The following USP6NL variants were observed in gnomAD, a reference collection of about 807,000 sequenced individuals.
USP6NL encodes the protein USP6 N-terminal-like protein.
USP6NL carries 26 observed loss-of-function variants against 61.9 expected under a neutral mutation model. The observed-to-expected ratio is 0.42, with a 90% confidence interval of 0.31 to 0.58. The LOEUF (loss-of-function observed/expected upper bound fraction) is 0.58. USP6NL is among the 20% of genes least tolerant of loss of function. The pLI is 0.16. For synonymous variants in USP6NL, 432 were observed against 390.1 expected (o/e 1.11, Z -1.27); for missense variants, 1,114 against 1,034.3 (o/e 1.08, Z -1.06).
In USP6NL at chr10:11,518,938, T is replaced by C. The variant is rs543825234; in HGVS notation, c.156-364A>G. ...TATTGAACGGTACAGATATAGAACATTTCCATCACTGCAGAAAGGTCCACT... is the reference window on the plus strand; with the variant it reads ...TATTGAACGGTACAGATATAGAACACTTCCATCACTGCAGAAAGGTCCACT... On this transcript the variant is annotated intron_variant, in intron 4 of 14. Coordinates refer to ENST00000609104, the MANE Select transcript of USP6NL (RefSeq NM_014688.5). This position sits in a 1 kb window ranked among gnomAD's most constrained non-coding sequence, Gnocchi z 5.3. 2.6e-5 allele frequency among the ~76,000 whole-genome samples: 4 copies of C among 152,360 alleles called. No individual in the cohort carries two copies. The highest frequency in any genetic ancestry group is 1.9e-4 in the East Asian group (1 of 5,196).
At chr10:11,523,658 G>A (rs1049226396) in intron 4 of USP6NL, among the ~76,000 whole-genome samples, 2 of 151,998 alleles carry the variant, frequency 1.3e-5, no homozygotes, top group African/African-American at 4.8e-5. Context: ...TGTTTCTAGG[G>A]CCCCGCTCAT....
rs1435958750 is a variant in USP6NL, at chr10:11,548,095, C to T, written c.5-20528G>A. Among the ~76,000 whole-genome samples the T allele has an allele frequency of 6.6e-6, 1 of 152,110 alleles. No homozygotes were observed. Among genetic ancestry groups the T allele is most frequent in the Non-Finnish European group, 1.5e-5 (1 of 68,002 alleles). On this transcript the variant is annotated intron_variant, in intron 2 of 14. Transcript: ENST00000609104. The surrounding 1 kb of genome is among the most constrained non-coding windows in gnomAD (Gnocchi z 4.3). ...GAAATGAAAATCTCACAAGTCAGCC[C>T]ATTCCAGCTTGAAGTGTTCTAATTA...
At chr10:11,584,376 C>G (rs573976590) in intron 2 of USP6NL, among the ~76,000 whole-genome samples, 2 of 152,312 alleles carry the variant, frequency 1.3e-5, no homozygotes, top group East Asian at 1.9e-4. Context: ...TATATAAACA[C>G]AGACGTCCCT....
intron 2 of USP6NL, among the ~76,000 whole-genome samples, chr10:11,551,052 A>G (rs745701945): frequency 8.5e-5 from 13 of 152,238 alleles, no homozygotes; most frequent in Non-Finnish European, 1.3e-4. Flanking sequence ...TGGTACAGCC[A>G]TGTTAGAAAT....
At chr10:11,547,745 T>A (rs1004403688) in intron 2 of USP6NL, among the ~76,000 whole-genome samples, 7 of 152,114 alleles carry the variant, frequency 4.6e-5, no homozygotes, top group Non-Finnish European at 8.8e-5. Flanking sequence ...TGTCACCGTG[T>A]TATCCAGGAT....
At chr10:11,501,765 A>G (rs945814272) in intron 6 of USP6NL, among the ~76,000 whole-genome samples, 1 of 152,138 alleles carries the variant, frequency 6.6e-6, no homozygotes, top group African/African-American at 2.4e-5. Context: ...GGCCATCTTC[A>G]GTGTTCTCTC....
intron 2 of USP6NL, among the ~76,000 whole-genome samples, chr10:11,568,140 G>A (rs185368902): frequency 2.0e-5 from 3 of 146,572 alleles, no homozygotes; most frequent in Admixed American, 7.0e-5. Context: ...TGTGTGTGTC[G>A]GGAGGTAGTT....
At chr10:11,550,180 A>G (rs1310946874) in intron 2 of USP6NL, among the ~76,000 whole-genome samples, 1 of 152,232 alleles carries the variant, frequency 6.6e-6, no homozygotes, top group African/African-American at 2.4e-5. Context: ...AACTATTTAG[A>G]AGAAAATATA....
In USP6NL at chr10:11,462,632, C is replaced by T. The variant is rs1180266894; in HGVS notation, c.2296G>A (p.Ala766Thr). ...ASRGNLPKYS[A>T]FQLAPFQDHG... is the part of the protein sequence containing the mutation. ...TCCTGAAAGGGTGCGAGTTGAAAGG[C>T]TGAGTATTTTGGTAAATTGCCACGG... The change falls in exon 15 of 15, where the codon GCC becomes ACC. Residue 766 changes from alanine to threonine, a missense_variant. Coordinates refer to ENST00000609104, the MANE Select transcript of USP6NL (RefSeq NM_014688.5). 6.2e-7 allele frequency: 1 copy of T among 1,613,988 alleles called. No individual in the cohort carries two copies. Among genetic ancestry groups the T allele is most frequent in the Non-Finnish European group, 8.5e-7 (1 of 1,179,898 alleles).
At chr10:11,543,435 G>C (rs1189095858) in intron 2 of USP6NL, among the ~76,000 whole-genome samples, 6 of 152,058 alleles carry the variant, frequency 3.9e-5, no homozygotes, top group Non-Finnish European at 2.9e-5. Flanking sequence ...CCAGCTACTT[G>C]GGAGGCTGAA....
rs1404726496 is a variant in USP6NL at position 11,468,122 on chromosome 10, C to G, written c.1079-4273G>C. 6.6e-6 allele frequency among the ~76,000 whole-genome samples: 1 copy of G among 152,150 alleles called. No homozygotes were observed. The highest frequency in any genetic ancestry group is 2.4e-5 in the African/African-American group (1 of 41,426). ...TCACCTTCTTTGCTTTCTGAGTGAT[C>G]AAAAATCCATTTTTAATTAATCCAT... is the stretch of plus-strand genomic sequence containing the variant. On this transcript the variant is annotated intron_variant, in intron 14 of 14. Coordinates refer to ENST00000609104, the MANE Select transcript of USP6NL (RefSeq NM_014688.5). The surrounding 1 kb of genome is among the most constrained non-coding windows in gnomAD (Gnocchi z 4.5).
chr10:11,483,712 T>G (rs55702256), intron 13 of USP6NL, among the ~76,000 whole-genome samples: 17,318 of 46,282 alleles, frequency 0.37, 2,209 homozygotes, highest in East Asian at 0.64. Flanking sequence ...AAGGCAGTGT[T>G]GGGGGGCCGG....
In USP6NL at chr10:11,490,390, G is replaced by A. The variant is rs763889932; in HGVS notation, c.543+442C>T. Among the ~76,000 whole-genome samples the A allele has an allele frequency of 3.3e-5, 5 of 152,054 alleles. No homozygotes were observed. The highest frequency in any genetic ancestry group is 7.4e-5 in the Non-Finnish European group (5 of 68,008). ...CCTCCTCCTGGGGATAGCCAGTAAG[G>A]GCATAGTTATCTTGTTTGGACCTCA... On this transcript the variant is annotated intron_variant, in intron 9 of 14. Transcript: ENST00000609104. This position sits in a 1 kb window ranked among gnomAD's most constrained non-coding sequence, Gnocchi z 4.5.
intron 2 of USP6NL, among the ~76,000 whole-genome samples, chr10:11,543,897 C>T (rs532946563): frequency 7.6e-4 from 112 of 147,052 alleles, no homozygotes; most frequent in African/African-American, 2.7e-3. Context: ...CTGCAACCTC[C>T]GCCTCCTGGG....
chr10:11,551,604 T>G (rs1367253497), intron 2 of USP6NL, among the ~76,000 whole-genome samples: 1 of 152,184 alleles, frequency 6.6e-6, no homozygotes, highest in African/African-American at 2.4e-5. Flanking sequence ...AAATGAGACT[T>G]AGAGAGATCA....
rs1216447853 is a variant in USP6NL, at chr10:11,528,501, TAGG to T, written c.5-937_5-935del. Among the ~76,000 whole-genome samples the T allele has an allele frequency of 1.3e-5, 2 of 152,120 alleles. No homozygotes were observed. The highest frequency in any genetic ancestry group is 2.9e-5 in the Non-Finnish European group (2 of 68,022). Reference sequence around the variant, plus strand: ...TGCCTTACCACATGACACTCTAAGGTAGGCATCATTATGAATCCTACACCGCGA... The same window carrying T: ...TGCCTTACCACATGACACTCTAAGGTCATCATTATGAATCCTACACCGCGA... On this transcript the variant is annotated intron_variant, in intron 2 of 14. Coordinates refer to ENST00000609104, the MANE Select transcript of USP6NL (RefSeq NM_014688.5). The surrounding 1 kb of genome is among the most constrained non-coding windows in gnomAD (Gnocchi z 4.6).
At position 11,489,206 on chromosome 10, in the gene USP6NL, T is replaced by C. The variant is rs752725790; in HGVS notation, c.560A>G (p.Gln187Arg). The change falls in exon 10 of 15, where the codon CAG (glutamine) becomes CGG (arginine). Residue 187 changes from glutamine (Q) to arginine (R), a missense_variant. Gln to Arg is a conservative substitution (Grantham distance 43, BLOSUM62 1). Coordinates refer to ENST00000609104, the MANE Select transcript of USP6NL (RefSeq NM_014688.5). The surrounding 1 kb of genome is among the most constrained non-coding windows in gnomAD (Gnocchi z 5.7). ...SIYNTEVGYC[Q>R]GMSQITALLL... ...TAAAGCTGTGATCTGGCTCATCCCC[T>C]GACAATACCCGACTTCCTGGGGAGC... 1 of 1,613,788 alleles carries C rather than the reference T, an allele frequency of 6.2e-7. No individual in the cohort carries two copies. Among genetic ancestry groups the C allele is most frequent in the South Asian group, 1.1e-5 (1 of 91,018 alleles).
At position 11,592,078 on chromosome 10, in the gene USP6NL, G is replaced by A. The variant is rs1012646582; in HGVS notation, c.4+5553C>T. 2.0e-5 allele frequency among the ~76,000 whole-genome samples: 3 copies of A among 152,108 alleles called. No individual in the cohort carries two copies. On this transcript the variant is annotated intron_variant, in intron 2 of 14. Transcript: ENST00000609104. The surrounding 1 kb of genome is among the most constrained non-coding windows in gnomAD (Gnocchi z 4.7). ...GTAGAGACGGGGTTTCACCATGTTG[G>A]CCAGGCTGGTCTTGAACTCCTGACC... is the stretch of plus-strand genomic sequence containing the variant.
rs915390876 is a variant in USP6NL at position 11,490,173 on chromosome 10, A to G, written c.543+659T>C. ...CTAGTTTGAGCGAATTTCTGTTCTT[A>G]TAATTTAAAGGTTTTAACTACAATA... is the stretch of plus-strand genomic sequence containing the variant. On this transcript the variant is annotated intron_variant, in intron 9 of 14. Transcript: ENST00000609104. The surrounding 1 kb of genome is among the most constrained non-coding windows in gnomAD (Gnocchi z 4.5). Among the ~76,000 whole-genome samples, 1 of 152,214 alleles carries G rather than the reference A, an allele frequency of 6.6e-6. No homozygotes were observed. Among genetic ancestry groups the G allele is most frequent in the African/African-American group, 2.4e-5 (1 of 41,450 alleles).
Sources: gnomAD v4.1 joint callset for allele counts (sites outside exome capture counted in the v4.1 genomes callset) on GRCh38, gnomAD v4.1.1 for gene constraint, Gnocchi (gnomAD v3.1) non-coding constraint, MANE v1.5 for transcripts, NCBI Gene and HGNC (gene_info 2026-07-23, HGNC 2026-07-21) for gene names.